C11orf42: variants seen among roughly 807,000 people sequenced by gnomAD.
C11orf42 encodes chromosome 11 open reading frame 42.
A neutral mutation model predicts 27.9 loss-of-function variants in C11orf42; 24 were observed. That is an observed-to-expected ratio of 0.86 (90% confidence interval 0.62 to 1.21). The LOEUF (loss-of-function observed/expected upper bound fraction) is 1.21, where lower values mean the gene tolerates loss of function less well. Among genes scored for constraint, C11orf42 ranks in the 50% most tolerant of loss-of-function variants. The pLI is 0.00. For synonymous variants in C11orf42, 187 were observed against 180.8 expected, an observed-to-expected ratio of 1.03 and a Z score of -0.28; for missense variants, 455 against 424.1, an observed-to-expected ratio of 1.07 and a Z score of -0.64.
At position 6,210,209 on chromosome 11, in the gene C11orf42, G is replaced by A. The variant is rs775067239; in HGVS notation, c.432G>A (p.Val144=). Residue 144 remains valine, a synonymous_variant, in exon 2 of 3, where the codon GTG becomes GTA. Transcript: ENST00000316375. This position sits in a 1 kb window ranked among gnomAD's most constrained non-coding sequence, Gnocchi z 4.0. ...TCCTGTTGCTGCCACCAGGGCAGGT[G>A]AGCCTACAGCAGACTCTTCCCTGGC... is the stretch of plus-strand genomic sequence containing the variant. ...VAFLLLPPGQ[V]SLQQTLPWLR... is the part of the protein sequence containing the mutation. The A allele has an allele frequency of 5.6e-6, 9 of 1,614,244 alleles. No individual in the cohort carries two copies. Among genetic ancestry groups the A allele is most frequent in the Non-Finnish European group, 7.6e-6 (9 of 1,180,036 alleles).
In C11orf42 at chr11:6,210,581, G is replaced by T; in HGVS notation, c.804G>T (p.Glu268Asp). 1 of 1,614,124 alleles carries T rather than the reference G, an allele frequency of 6.2e-7. No individual in the cohort carries two copies. The highest frequency in any genetic ancestry group is 8.5e-7 in the Non-Finnish European group (1 of 1,180,010). ...CGCCACCTCCCCAGGAAGGGCCAGAGGACAAACCCACCAGATTCTCCTACA... is the reference window on the plus strand; with the variant it reads ...CGCCACCTCCCCAGGAAGGGCCAGATGACAAACCCACCAGATTCTCCTACA... ...PPTPPPQEGP[E>D]DKPTRFSYKG... is the part of the protein sequence containing the mutation. Residue 268 changes from glutamate (E) to aspartate (D), a missense_variant, in exon 2 of 3, where the codon GAG (glutamate) becomes GAT (aspartate). By Grantham distance (45) the Glu-to-Asp change is conservative. Transcript: ENST00000316375. The surrounding 1 kb of genome is among the most constrained non-coding windows in gnomAD (Gnocchi z 4.0).
At chr11:6,207,166 C>T (rs1846987865) in intron 1 of C11orf42, among the ~76,000 whole-genome samples, 1 of 152,186 alleles carries the variant, frequency 6.6e-6, no homozygotes, top group African/African-American at 2.4e-5. Context: ...AGTAGGAGCA[C>T]ATAGTAGTCT....
At position 6,210,633 on chromosome 11, in the gene C11orf42, C is replaced by G. The variant is rs745836147; in HGVS notation, c.856C>G (p.Pro286Ala). The change falls in exon 2 of 3, where the codon CCC becomes GCC. Residue 286 changes from proline to alanine, a missense_variant. By Grantham distance (27) the Pro-to-Ala change is conservative. Coordinates refer to ENST00000316375, the MANE Select transcript of C11orf42 (RefSeq NM_173525.3). The surrounding 1 kb of genome is among the most constrained non-coding windows in gnomAD (Gnocchi z 4.0). ...GGGCCGAAACCCCTTCTGGAGGGGG[C>G]CCCAGATACTGTCAGGTACTACTAG... The part of the protein sequence containing the change: ...YKGRNPFWRG[P>A]QILSENWLFS... The G allele has an allele frequency of 3.1e-6, 5 of 1,613,692 alleles. No homozygotes were observed. Among genetic ancestry groups the G allele is most frequent in the Admixed American group, 1.7e-5 (1 of 59,956 alleles).
intron 1 of C11orf42, among the ~76,000 whole-genome samples, chr11:6,206,864 C>T (rs560738727): frequency 1.1e-4 from 16 of 152,252 alleles, no homozygotes; most frequent in Admixed American, 3.9e-4. Context: ...TCAGGAAAAT[C>T]GGGGTAGAGA....
intron 1 of C11orf42, among the ~76,000 whole-genome samples, 161 bp downstream of exon 1, chr11:6,205,848 C>T (rs12577235): frequency 3.4e-4 from 52 of 152,234 alleles, no homozygotes; most frequent in African/African-American, 1.1e-3. Context: ...GTTATTGGCA[C>T]GAACCGCCCC....
Position 6,210,803 on chromosome 11 carries a change from G to A in C11orf42, c.872-109G>A. On this transcript the variant is annotated intron_variant, in intron 2 of 2. Coordinates refer to ENST00000316375, the MANE Select transcript of C11orf42 (RefSeq NM_173525.3). This position sits in a 1 kb window ranked among gnomAD's most constrained non-coding sequence, Gnocchi z 4.0. ...GAGACTGGGGAGGGTGAGATGGAATGAGGAGGCCCTAGGAAGGGGATTGGG... is the reference window on the plus strand; with the variant it reads ...GAGACTGGGGAGGGTGAGATGGAATAAGGAGGCCCTAGGAAGGGGATTGGG... 1 of 1,418,136 alleles carries A rather than the reference G, an allele frequency of 7.1e-7. No homozygotes were observed. Among genetic ancestry groups the A allele is most frequent in the South Asian group, 1.4e-5 (1 of 71,544 alleles). The allele number at this position is 1,418,136 out of a possible 1,614,324, so 87.8% of individuals were successfully genotyped here.
intron 1 of C11orf42, among the ~76,000 whole-genome samples, chr11:6,208,112 C>A (rs961090429): frequency 4.6e-5 from 7 of 152,246 alleles, no homozygotes; most frequent in African/African-American, 1.7e-4. Context: ...ACTAGAGAGG[C>A]TCTTATAGGT....
chr11:6,207,212 A>T (rs1388227446), intron 1 of C11orf42, among the ~76,000 whole-genome samples: 1 of 152,194 alleles, frequency 6.6e-6, no homozygotes, highest in Non-Finnish European at 1.5e-5. Context: ...AGTCTCCCTA[A>T]CAAAGAACCG....
chr11:6,206,502 T>C (rs567159129), intron 1 of C11orf42, among the ~76,000 whole-genome samples: 1 of 152,034 alleles, frequency 6.6e-6, no homozygotes, highest in East Asian at 1.9e-4. Context: ...AGATTCTATG[T>C]GATTTGAAGG....
intron 1 of C11orf42, among the ~76,000 whole-genome samples, chr11:6,207,468 G>A (rs1846991879): frequency 6.6e-6 from 1 of 152,182 alleles, no homozygotes; most frequent in African/African-American, 2.4e-5. Context: ...ATTTGTGTAG[G>A]ATCCTTGACA....
At chr11:6,208,495 C>T (rs1449977886) in intron 1 of C11orf42, among the ~76,000 whole-genome samples, 1 of 152,186 alleles carries the variant, frequency 6.6e-6, no homozygotes, top group Admixed American at 6.5e-5. Flanking sequence ...GGTGCCATCT[C>T]GGCTCACTGC....
rs753112205 is a variant in C11orf42 at position 6,210,347 on chromosome 11, A to G, written c.570A>G (p.Ser190=). 6.2e-7 allele frequency: 1 copy of G among 1,614,162 alleles called. No individual in the cohort carries two copies. Among genetic ancestry groups the G allele is most frequent in the African/African-American group, 1.3e-5 (1 of 75,030 alleles). ...REPQLLRLLR[S]LPVAFSCLKF... Reference sequence around the variant, plus strand: ...CCCAGCTCCTCCGGCTACTTCGGTCATTACCTGTTGCCTTCTCCTGCCTCA... The same window carrying G: ...CCCAGCTCCTCCGGCTACTTCGGTCGTTACCTGTTGCCTTCTCCTGCCTCA... Residue 190 remains serine (S), a synonymous_variant, in exon 2 of 3, where the codon TCA becomes TCG. Transcript: ENST00000316375. The surrounding 1 kb of genome is among the most constrained non-coding windows in gnomAD (Gnocchi z 4.0).
intron 1 of C11orf42, 60 bp downstream of exon 1, chr11:6,205,747 C>A: frequency 1.4e-6 from 2 of 1,390,616 alleles, no homozygotes; most frequent in Non-Finnish European, 2.0e-6. Context: ...TGGGTCTCAG[C>A]AGCTTGTGAG....
chr11:6,209,157 C>T (rs1223231488), intron 1 of C11orf42, among the ~76,000 whole-genome samples: 2 of 129,360 alleles, frequency 1.5e-5, no homozygotes, highest in Non-Finnish European at 3.2e-5. Flanking sequence ...GCCTAGGCGA[C>T]GAAGGAGAAC....
rs750096926 is a variant in C11orf42, at chr11:6,210,937, C to T, written c.897C>T (p.Ser299=). 17 of 1,608,836 alleles carry T rather than the reference C, an allele frequency of 1.1e-5. No homozygotes were observed. The highest frequency in any genetic ancestry group is 1.3e-5 in the Non-Finnish European group (15 of 1,178,306). The change falls in exon 3 of 3, where the codon AGC becomes AGT. Residue 299 remains serine (S), a synonymous_variant. Coordinates refer to ENST00000316375, the MANE Select transcript of C11orf42 (RefSeq NM_173525.3). This position sits in a 1 kb window ranked among gnomAD's most constrained non-coding sequence, Gnocchi z 4.0. ...LSENWLFSPR[S]PPPGAQGGGP... Reference sequence around the variant, plus strand: ...AGAACTGGCTCTTCAGCCCCCGCAGCCCTCCACCAGGAGCCCAGGGTGGGG... The same window carrying T: ...AGAACTGGCTCTTCAGCCCCCGCAGTCCTCCACCAGGAGCCCAGGGTGGGG...
At chr11:6,207,169 A>G (rs1425237653) in intron 1 of C11orf42, among the ~76,000 whole-genome samples, 3 of 152,208 alleles carry the variant, frequency 2.0e-5, no homozygotes, top group Non-Finnish European at 4.4e-5. Context: ...AGGAGCACAT[A>G]GTAGTCTTAA....
At position 6,210,062 on chromosome 11, in the gene C11orf42, C is replaced by A. The variant is rs772863287; in HGVS notation, c.285C>A (p.His95Gln). 2 of 1,614,126 alleles carry A rather than the reference C, an allele frequency of 1.2e-6. No homozygotes were observed. Among genetic ancestry groups the A allele is most frequent in the Non-Finnish European group, 1.7e-6 (2 of 1,180,054 alleles). The part of the protein sequence containing the change: ...EQAGSEGAFA[H>Q]CTREYSPNGR... ...CAGGATCTGAGGGTGCCTTCGCCCA[C>A]TGCACTCGGGAATACTCACCAAATG... is the stretch of plus-strand genomic sequence containing the variant. Residue 95 changes from histidine to glutamine, a missense_variant, in exon 2 of 3, where the codon CAC (histidine) becomes CAA (glutamine). Coordinates refer to ENST00000316375, the MANE Select transcript of C11orf42 (RefSeq NM_173525.3). This position sits in a 1 kb window ranked among gnomAD's most constrained non-coding sequence, Gnocchi z 4.0.
chr11:6,210,702 G>T lies in C11orf42; in HGVS notation c.871+54G>T, dbSNP rs1370623173. 1 of 1,568,950 alleles carries T rather than the reference G, an allele frequency of 6.4e-7. No individual in the cohort carries two copies. Among genetic ancestry groups the T allele is most frequent in the African/African-American group, 1.4e-5 (1 of 73,690 alleles). On this transcript the variant is annotated intron_variant, in intron 2 of 2. Coordinates refer to ENST00000316375, the MANE Select transcript of C11orf42 (RefSeq NM_173525.3). The surrounding 1 kb of genome is among the most constrained non-coding windows in gnomAD (Gnocchi z 4.0). ...GGATGGGAGGGACAAAGTGAAGGAGGGAGAAGGCATGAGAATTAAGTATGT... is the reference window on the plus strand; with the variant it reads ...GGATGGGAGGGACAAAGTGAAGGAGTGAGAAGGCATGAGAATTAAGTATGT...
Position 6,210,990 on chromosome 11 carries a change from T to C in C11orf42, c.950T>C (p.Met317Thr). 1 of 1,609,002 alleles carries C rather than the reference T, an allele frequency of 6.2e-7. No individual in the cohort carries two copies. The highest frequency in any genetic ancestry group is 8.5e-7 in the Non-Finnish European group (1 of 1,178,636). Residue 317 changes from methionine to threonine, a missense_variant, in exon 3 of 3, where the codon ATG becomes ACG. Met to Thr is a moderately conservative substitution (Grantham distance 81). Transcript: ENST00000316375. This position sits in a 1 kb window ranked among gnomAD's most constrained non-coding sequence, Gnocchi z 4.0. ...GGPRDPDGHS[M>T]SLPLLQGLSS... ...CCCAGGGACCCCGACGGGCACTCCA[T>C]GTCCCTGCCCCTGCTGCAGGGTCTA... is the stretch of plus-strand genomic sequence containing the variant.
Sources: gnomAD v4.1 joint callset for allele counts (sites outside exome capture counted in the v4.1 genomes callset) on GRCh38, gnomAD v4.1.1 for gene constraint, Gnocchi (gnomAD v3.1) non-coding constraint, MANE v1.5 for transcripts, NCBI Gene and HGNC (gene_info 2026-07-23, HGNC 2026-07-21) for gene names.